Variants in RPS6KC1 observed in about 807,000 individuals in gnomAD.
RPS6KC1 encodes the protein inactive ribosomal protein S6 kinase delta-1.
Under a neutral mutation model 103.8 loss-of-function variants are expected in RPS6KC1, and 54 were observed. The observed-to-expected ratio is 0.52, with a 90% confidence interval of 0.42 to 0.65. The LOEUF is 0.65. RPS6KC1 is among the 30% of genes least tolerant of loss of function. The pLI is 0.00. For synonymous variants in RPS6KC1, 439 were observed against 438.7 expected (o/e 1.00, Z -0.01); for missense variants, 1,151 against 1,253.8 (o/e 0.92, Z 1.24).
chr1:213,275,202 A>G (rs2095109795), downstream of RPS6KC1, among the ~76,000 whole-genome samples: 1 of 152,214 alleles, frequency 6.6e-6, no homozygotes, highest in African/African-American at 2.4e-5. Context: ...TTAGCCATTC[A>G]TCTGTCAGTA....
the RPS6KC1 span, among the ~76,000 whole-genome samples, chr1:213,834,613 T>G: frequency 6.6e-6 from 1 of 152,088 alleles, no homozygotes; most frequent in Non-Finnish European, 1.5e-5. Context: ...AACCTATTCT[T>G]AAAAGGTACC....
In RPS6KC1 at chr1:213,179,937, T is replaced by G. The variant is rs74139153; in HGVS notation, c.1044+3445T>G. Among the ~76,000 whole-genome samples, 390 of 152,290 alleles carry G rather than the reference T, an allele frequency of 2.6e-3. 2 individuals carry two copies. Among genetic ancestry groups the G allele is most frequent in the African/African-American group, 8.6e-3 (359 of 41,564 alleles). ...TAAATATATATAGAATGACATCTAC[T>G]GGTACAATATGAGACTGCTACCTGG... On this transcript the variant is annotated intron_variant, in intron 8 of 14. Coordinates refer to ENST00000366960, the MANE Select transcript of RPS6KC1 (RefSeq NM_012424.6).
At chr1:213,739,311 C>T in the RPS6KC1 span, among the ~76,000 whole-genome samples, 3 of 152,196 alleles carry the variant, frequency 2.0e-5, no homozygotes, top group East Asian at 5.8e-4. Context: ...AATACATATA[C>T]AAAATATGTG....
the RPS6KC1 span, among the ~76,000 whole-genome samples, chr1:213,787,341 A>C: frequency 6.6e-6 from 1 of 152,190 alleles, no homozygotes; most frequent in Admixed American, 6.5e-5. Flanking sequence ...AAAATAACTA[A>C]GCAGGTTAAA....
At chr1:213,729,376 T>G in the RPS6KC1 span, among the ~76,000 whole-genome samples, 2 of 152,168 alleles carry the variant, frequency 1.3e-5, no homozygotes, top group Admixed American at 1.3e-4. Flanking sequence ...ATCAACCTGC[T>G]TACTTCCCTC....
At chr1:213,334,878 A>G in the RPS6KC1 span, among the ~76,000 whole-genome samples, 2 of 152,176 alleles carry the variant, frequency 1.3e-5, no homozygotes, top group African/African-American at 2.4e-5. Context: ...ATGTACATCT[A>G]CATCTCTCTC....
the RPS6KC1 span, among the ~76,000 whole-genome samples, chr1:213,780,752 A>G: frequency 6.6e-6 from 1 of 152,196 alleles, no homozygotes; most frequent in Admixed American, 6.5e-5. Context: ...AGCAGGGCTC[A>G]GTGGTGCATG....
chr1:213,114,354 C>CTGTG (rs1173539657), intron 4 of RPS6KC1, among the ~76,000 whole-genome samples: 1 of 50,232 alleles, frequency 2.0e-5, no homozygotes, highest in Admixed American at 1.4e-4. Flanking sequence ...TGATTTGGCT[C>CTGTG]TCTGTCTGTT....
the RPS6KC1 span, among the ~76,000 whole-genome samples, chr1:213,313,693 G>A: frequency 9.0e-4 from 137 of 152,276 alleles, no homozygotes; most frequent in South Asian, 1.7e-3. Context: ...GGCCAGTTGC[G>A]GTGGCTCACG....
At chr1:213,702,461 A>G in the RPS6KC1 span, among the ~76,000 whole-genome samples, 3 of 151,872 alleles carry the variant, frequency 2.0e-5, no homozygotes, top group Non-Finnish European at 4.4e-5. Context: ...TAAGCTTAAT[A>G]TTTCTTTATT....
chr1:213,270,038 A>AAACCT (rs2095008671), intron 14 of RPS6KC1, among the ~76,000 whole-genome samples: 1 of 152,176 alleles, frequency 6.6e-6, no homozygotes, highest in Non-Finnish European at 1.5e-5. Flanking sequence ...GATCAGCAAA[A>AAACCT]TTGGGAAACC....
At chr1:213,463,741 T>C in the RPS6KC1 span, among the ~76,000 whole-genome samples, 42 of 152,176 alleles carry the variant, frequency 2.8e-4, 1 homozygote, top group Non-Finnish European at 3.2e-4. Flanking sequence ...AGGTCCCTCC[T>C]CTCTGAAACT....
At chr1:213,641,574 G>T in the RPS6KC1 span, among the ~76,000 whole-genome samples, 1 of 152,092 alleles carries the variant, frequency 6.6e-6, no homozygotes. Context: ...AGGTCTACTG[G>T]TTAGCTCAGT....
At chr1:213,267,669 A>C (rs924245379) in intron 14 of RPS6KC1, among the ~76,000 whole-genome samples, 7 of 152,042 alleles carry the variant, frequency 4.6e-5, no homozygotes, top group Non-Finnish European at 1.0e-4. Context: ...ATTAAAGGAA[A>C]GTATGACAAA....
chr1:213,125,680 G>T (rs1029606936), intron 5 of RPS6KC1: 2 of 150,652 alleles, frequency 1.3e-5, no homozygotes, highest in African/African-American at 4.9e-5. Flanking sequence ...TTTTAAAGAT[G>T]CCGAATTAAG....
chr1:213,157,930 T>C (rs1323815815), intron 6 of RPS6KC1, among the ~76,000 whole-genome samples: 1 of 152,224 alleles, frequency 6.6e-6, no homozygotes, highest in Non-Finnish European at 1.5e-5. Flanking sequence ...TATTATTGTC[T>C]GTGGTAACTT....
chr1:213,834,552 A>G, the RPS6KC1 span, among the ~76,000 whole-genome samples: 1 of 152,206 alleles, frequency 6.6e-6, no homozygotes, highest in African/African-American at 2.4e-5. Flanking sequence ...GTTCACCAAG[A>G]GCAAAGTCTT....
chr1:213,526,059 C>T, the RPS6KC1 span, among the ~76,000 whole-genome samples: 1 of 151,716 alleles, frequency 6.6e-6, no homozygotes, highest in African/African-American at 2.4e-5. Flanking sequence ...TGATTGCTGG[C>T]AAAAATAGTC....
intron 6 of RPS6KC1, among the ~76,000 whole-genome samples, chr1:213,147,876 C>T (rs898261041): frequency 6.6e-6 from 1 of 151,806 alleles, no homozygotes; most frequent in Non-Finnish European, 1.5e-5. Context: ...TTTTTTTCAT[C>T]AGTGTTTTAT....
Sources: allele counts gnomAD v4.1 joint callset (sites outside exome capture counted in the v4.1 genomes callset), GRCh38; gene constraint gnomAD v4.1.1; transcripts MANE v1.5; gene names NCBI Gene and HGNC (gene_info 2026-07-23, HGNC 2026-07-21).